ARID5B: variants seen among roughly 807,000 people sequenced by gnomAD.
ARID5B encodes the protein AT-rich interaction domain 5B.
Under a neutral mutation model 97.2 loss-of-function variants are expected in ARID5B, and 13 were observed. The observed-to-expected ratio is 0.13, with a 90% CI of 0.09 to 0.21. The LOEUF (loss-of-function observed/expected upper bound fraction) is 0.21, where lower values mean the gene tolerates loss of function less well. ARID5B is among the 10% of genes least tolerant of loss of function. The probability of loss-of-function intolerance (pLI) is 1.00; values close to 1 mark genes in which losing one functional copy is unlikely to be tolerated. For synonymous variants in ARID5B, 556 were observed against 570.3 expected (o/e 0.97, Z 0.36); for missense variants, 1,210 against 1,465.3 (o/e 0.83, Z 2.84).
intron 3 of ARID5B, among the ~76,000 whole-genome samples, chr10:61,994,506 C>G (rs1268864759): frequency 6.6e-6 from 1 of 152,124 alleles, no homozygotes; most frequent in Non-Finnish European, 1.5e-5. Flanking sequence ...AGTCAATGCT[C>G]CATTAATTCA....
intron 2 of ARID5B, among the ~76,000 whole-genome samples, chr10:61,930,951 C>T (rs1284111059): frequency 6.6e-6 from 1 of 151,980 alleles, no homozygotes; most frequent in African/African-American, 2.4e-5. Flanking sequence ...ATGGCTTCTG[C>T]CAACATCCAT....
At chr10:62,084,371 T>C (rs1840253587) in intron 8 of ARID5B, among the ~76,000 whole-genome samples, 1 of 152,174 alleles carries the variant, frequency 6.6e-6, no homozygotes, top group East Asian at 1.9e-4. Context: ...ATAACATAGA[T>C]AGAAACCAAT....
At chr10:61,960,720 G>A (rs1383178512) in intron 3 of ARID5B, among the ~76,000 whole-genome samples, 2 of 152,118 alleles carry the variant, frequency 1.3e-5, no homozygotes, top group Non-Finnish European at 2.9e-5. Context: ...GGAAGGAAAT[G>A]AGGGCCCCCT....
chr10:61,949,489 T>G (rs1458336353), intron 3 of ARID5B, among the ~76,000 whole-genome samples: 1 of 152,092 alleles, frequency 6.6e-6, no homozygotes, highest in Non-Finnish European at 1.5e-5. Flanking sequence ...AATACAAAAT[T>G]AGACGGGTAT....
intron 2 of ARID5B, among the ~76,000 whole-genome samples, chr10:61,903,889 C>CT (rs1199345432): frequency 6.8e-6 from 1 of 147,940 alleles, no homozygotes. Flanking sequence ...CCCCGCTCAC[C>CT]TCCCCCCTCC....
intron 4 of ARID5B, among the ~76,000 whole-genome samples, chr10:62,022,652 T>A (rs1363703988): frequency 6.6e-6 from 1 of 152,222 alleles, no homozygotes; most frequent in African/African-American, 2.4e-5. Context: ...CCAGTTTTTT[T>A]CTACAACAAT....
intron 4 of ARID5B, among the ~76,000 whole-genome samples, chr10:62,039,587 G>A (rs1384749259): frequency 1.3e-5 from 2 of 152,182 alleles, no homozygotes; most frequent in South Asian, 2.1e-4. Flanking sequence ...GTGAGGAGGT[G>A]GAGGGAATCA....
Position 61,995,273 on chromosome 10 carries a change from G to A in ARID5B, c.503-4818G>A, listed in dbSNP as rs546671669. Among the ~76,000 whole-genome samples the A allele has an allele frequency of 2.0e-5, 3 of 152,316 alleles. 1 individual carries two copies. In the South Asian group the frequency reaches 6.2e-4, roughly 32 times the overall value. On this transcript the variant is annotated intron_variant, in intron 3 of 9. Coordinates refer to ENST00000279873, the MANE Select transcript of ARID5B (RefSeq NM_032199.3). ...CTGCTTTCCCTATTATGAATTGGAA[G>A]GGTGAAAATATCTTACACAGCATTT...
intron 4 of ARID5B, among the ~76,000 whole-genome samples, chr10:62,015,543 T>TG (rs1839272590): frequency 6.6e-6 from 1 of 152,220 alleles, no homozygotes; most frequent in African/African-American, 2.4e-5. Flanking sequence ...AGTGCTCCTA[T>TG]GGGGGAAACC....
At chr10:61,989,198 G>T (rs1838889152) in intron 3 of ARID5B, among the ~76,000 whole-genome samples, 1 of 151,894 alleles carries the variant, frequency 6.6e-6, no homozygotes, top group Non-Finnish European at 1.5e-5. Context: ...CAAAGTGCTG[G>T]GATTACAGGC....
intron 3 of ARID5B, among the ~76,000 whole-genome samples, chr10:61,961,234 T>C (rs1838466302): frequency 6.6e-6 from 1 of 152,234 alleles, no homozygotes; most frequent in Non-Finnish European, 1.5e-5. Context: ...ATATCATCAC[T>C]GTAAATGGAA....
chr10:61,969,163 C>T (rs184992591), intron 3 of ARID5B, among the ~76,000 whole-genome samples: 8 of 152,104 alleles, frequency 5.3e-5, no homozygotes, highest in African/African-American at 1.7e-4. Flanking sequence ...ACCCTCCCCC[C>T]CAAATAAAGT....
Position 62,051,154 on chromosome 10 carries a change from C to T in ARID5B, c.846+154C>T, listed in dbSNP as rs1395451082. 4.1e-6 allele frequency: 3 copies of T among 725,324 alleles called. No individual in the cohort carries two copies. The African/African-American group carries it at 5.2e-5, about 13-fold the overall frequency. 44.9% of individuals were successfully genotyped at this position (725,324 alleles called of 1,614,324 possible). Reference sequence around the variant, plus strand: ...TTTGAAGCTCTATGCTGTGCCTGTTCCTGCCACCTCCCTTCCCCTGGTTGC... The same window carrying T: ...TTTGAAGCTCTATGCTGTGCCTGTTTCTGCCACCTCCCTTCCCCTGGTTGC... On this transcript the variant is annotated intron_variant, in intron 5 of 9. Transcript: ENST00000279873.
Position 62,091,924 on chromosome 10 carries a change from C to T in ARID5B, c.2461C>T (p.His821Tyr). Residue 821 changes from histidine to tyrosine, a missense_variant, in exon 10 of 10, where the codon CAT (histidine) becomes TAT (tyrosine). His to Tyr is a moderately conservative substitution (Grantham distance 83, BLOSUM62 2). Around this residue, in one of 8 missense-constraint regions of ARID5B, gnomAD observed 800 missense variants for 839.1 expected, o/e 0.95. Transcript: ENST00000279873. ...ACTCTTAGAGAAAAGGGCCCTCCCC[C>T]ATTCCCACATGCCTAGCTTCCTGGC... ...DKLLEKRALPHSHMPSFLADF... is the reference protein window; with the variant it reads ...DKLLEKRALPYSHMPSFLADF... 6.2e-7 allele frequency: 1 copy of T among 1,613,828 alleles called. No individual in the cohort carries two copies. The highest frequency in any genetic ancestry group is 8.5e-7 in the Non-Finnish European group (1 of 1,179,918).
At chr10:62,040,722 A>G (rs1839625963) in intron 4 of ARID5B, among the ~76,000 whole-genome samples, 2 of 152,220 alleles carry the variant, frequency 1.3e-5, no homozygotes, top group South Asian at 2.1e-4. Flanking sequence ...TGCAATCAAT[A>G]TAAAATGTTA....
chr10:61,991,041 T>TACAC (rs397802272), intron 3 of ARID5B, among the ~76,000 whole-genome samples: 47,557 of 144,958 alleles, frequency 0.33, 7,969 homozygotes, highest in South Asian at 0.47. Flanking sequence ...ATTTATCCTG[T>TACAC]ACACACACAC....
At chr10:61,980,384 T>A (rs949337818) in intron 3 of ARID5B, among the ~76,000 whole-genome samples, 4 of 152,206 alleles carry the variant, frequency 2.6e-5, no homozygotes, top group Non-Finnish European at 4.4e-5. Flanking sequence ...TGCTGCCTCT[T>A]CATAAGGCAT....
At chr10:61,999,840 T>G (rs1407238655) in intron 3 of ARID5B, among the ~76,000 whole-genome samples, 1 of 152,134 alleles carries the variant, frequency 6.6e-6, no homozygotes, top group African/African-American at 2.4e-5. Flanking sequence ...CATTACTTAC[T>G]GTGTCTAGAG....
chr10:62,035,291 C>T (rs1839547820), intron 4 of ARID5B, among the ~76,000 whole-genome samples: 1 of 152,084 alleles, frequency 6.6e-6, no homozygotes, highest in Admixed American at 6.5e-5. Context: ...CTAAGTAGTA[C>T]CAGACACTGA....
Sources: allele counts gnomAD v4.1 joint callset (sites outside exome capture counted in the v4.1 genomes callset), GRCh38; gene constraint gnomAD v4.1.1; regional missense constraint gnomAD v4.1.1; transcripts MANE v1.5; gene names NCBI Gene and HGNC (gene_info 2026-07-23, HGNC 2026-07-21).